PRKACB: variants seen among roughly 807,000 people sequenced by gnomAD.
PRKACB encodes cAMP-dependent protein kinase catalytic subunit beta.
A neutral mutation model predicts 51.4 loss-of-function variants in PRKACB; 16 were observed. The ratio of observed to expected loss-of-function variants is 0.31; its 90% CI spans 0.21 to 0.47. The LOEUF (loss-of-function observed/expected upper bound fraction) is 0.47, where lower values mean the gene tolerates loss of function less well. Ranked by LOEUF, PRKACB falls within the 20% of genes least tolerant of loss-of-function variation. The pLI is 1.00. For synonymous variants in PRKACB, 147 were observed against 154.4 expected (o/e 0.95, Z 0.35); for missense variants, 309 against 464.5 (o/e 0.67, Z 3.08).
chr1:84,101,058 G>A (rs1009434125), intron 1 of PRKACB, among the ~76,000 whole-genome samples: 2 of 152,180 alleles, frequency 1.3e-5, no homozygotes, highest in African/African-American at 4.8e-5. Flanking sequence ...AAGGCTATGT[G>A]CCAGTCAGAG....
chr1:84,188,359 C>G (rs1259953042), intron 5 of PRKACB, among the ~76,000 whole-genome samples: 1 of 151,386 alleles, frequency 6.6e-6, no homozygotes, highest in Non-Finnish European at 1.5e-5. Context: ...TTTATTTAGT[C>G]TATTGATCTT....
chr1:84,155,449 G>A lies in PRKACB; in HGVS notation c.187+10901G>A, dbSNP rs964170892. On this transcript the variant is annotated intron_variant, in intron 1 of 9. Coordinates refer to ENST00000370685, the MANE Select transcript of PRKACB (RefSeq NM_182948.4). ...TTAAAATGCTTCTAGTATCCAAAGC[G>A]ATCTACAGATTAAATGCCATCTCTT... 4.6e-5 allele frequency among the ~76,000 whole-genome samples: 7 copies of A among 152,132 alleles called. 1 individual carries two copies. The highest frequency in any genetic ancestry group is 1.9e-4 in the East Asian group (1 of 5,194).
At chr1:84,230,223 G>A (rs1239748763) in intron 9 of PRKACB, among the ~76,000 whole-genome samples, 1 of 149,966 alleles carries the variant, frequency 6.7e-6, no homozygotes, top group African/African-American at 2.4e-5. Flanking sequence ...TCTCAGGTTT[G>A]TCAAAGATCA....
intron 1 of PRKACB, among the ~76,000 whole-genome samples, chr1:84,089,775 A>G (rs1648308227): frequency 6.6e-6 from 1 of 152,128 alleles, no homozygotes; most frequent in South Asian, 2.1e-4. Context: ...AGAATCACCA[A>G]TGTGTGTGAT....
intron 9 of PRKACB, among the ~76,000 whole-genome samples, chr1:84,226,878 A>G (rs1406250065): frequency 6.6e-6 from 1 of 152,192 alleles, no homozygotes; most frequent in Non-Finnish European, 1.5e-5. Context: ...AAAGTTGGCC[A>G]TTTGGCTGAG....
intron 4 of PRKACB, 115 bp downstream of exon 4, chr1:84,184,250 G>A (rs574771521): frequency 2.6e-4 from 223 of 849,768 alleles, no homozygotes; most frequent in Non-Finnish European, 3.2e-4. Flanking sequence ...TAAACAAAAC[G>A]AATACCTCTA....
chr1:84,155,679 A>G (rs1379430067), intron 1 of PRKACB, among the ~76,000 whole-genome samples: 1 of 152,206 alleles, frequency 6.6e-6, no homozygotes, highest in Non-Finnish European at 1.5e-5. Flanking sequence ...AATAAGTTGA[A>G]CAGGAAGAAT....
intron 7 of PRKACB, among the ~76,000 whole-genome samples, chr1:84,199,679 T>A (rs1669496494): frequency 6.6e-6 from 1 of 152,170 alleles, no homozygotes; most frequent in Admixed American, 6.6e-5. Context: ...GTAGTGGGAT[T>A]GCTGGGTCGA....
chr1:84,204,078 A>C (rs1276286718), intron 8 of PRKACB, among the ~76,000 whole-genome samples: 2 of 152,030 alleles, frequency 1.3e-5, no homozygotes, highest in Non-Finnish European at 2.9e-5. Context: ...TGTAGCAACA[A>C]GACATTTGCC....
intron 1 of PRKACB, among the ~76,000 whole-genome samples, chr1:84,090,015 G>C (rs1379907103): frequency 6.6e-6 from 1 of 152,132 alleles, no homozygotes; most frequent in Admixed American, 6.5e-5. Context: ...TGCTTTCTCA[G>C]TGCTTTCAGT....
intron 1 of PRKACB, among the ~76,000 whole-genome samples, chr1:84,120,417 A>G (rs1346561348): frequency 6.6e-6 from 1 of 152,130 alleles, no homozygotes; most frequent in Non-Finnish European, 1.5e-5. Flanking sequence ...TACATGCACA[A>G]ACATGAAAAT....
chr1:84,147,496 AT>A (rs1558021697), intron 1 of PRKACB, among the ~76,000 whole-genome samples: 1 of 152,038 alleles, frequency 6.6e-6, no homozygotes, highest in Non-Finnish European at 1.5e-5. Flanking sequence ...ATTTCTACTC[AT>A]TTGGTAAAAC....
chr1:84,215,140 T>C (rs1672706766), intron 9 of PRKACB, among the ~76,000 whole-genome samples: 1 of 152,352 alleles, frequency 6.6e-6, no homozygotes, highest in South Asian at 2.1e-4. Context: ...TGAACATAAT[T>C]CATACAAATT....
chr1:84,110,140 C>CA (rs1650102675), intron 1 of PRKACB, among the ~76,000 whole-genome samples: 1 of 151,640 alleles, frequency 6.6e-6, no homozygotes, highest in Non-Finnish European at 1.5e-5. Context: ...TCCTTGGATT[C>CA]AAACAACCAA....
intron 9 of PRKACB, among the ~76,000 whole-genome samples, chr1:84,219,282 C>T (rs374389666): frequency 7.4e-5 from 11 of 149,588 alleles, no homozygotes; most frequent in African/African-American, 2.0e-4. Flanking sequence ...TAGAGTGCAA[C>T]GGTACAATCT....
At chr1:84,116,564 A>G (rs1650648861) in intron 1 of PRKACB, among the ~76,000 whole-genome samples, 1 of 151,996 alleles carries the variant, frequency 6.6e-6, no homozygotes, top group African/African-American at 2.4e-5. Flanking sequence ...ATTTATTCCT[A>G]GGTATTCTTT....
At chr1:84,209,384 C>A (rs925344747) in intron 8 of PRKACB, among the ~76,000 whole-genome samples, 1 of 152,134 alleles carries the variant, frequency 6.6e-6, no homozygotes, top group Non-Finnish European at 1.5e-5. Context: ...CACCCACCCC[C>A]CTCCACGAAG....
At chr1:84,090,471 A>G (rs1648369593) in intron 1 of PRKACB, among the ~76,000 whole-genome samples, 1 of 152,214 alleles carries the variant, frequency 6.6e-6, no homozygotes, top group Admixed American at 6.5e-5. Context: ...GAGCTCAGCT[A>G]TGCACTCTAT....
intron 9 of PRKACB, among the ~76,000 whole-genome samples, chr1:84,215,880 CT>C (rs1358693219): frequency 3.3e-5 from 5 of 151,246 alleles, no homozygotes; most frequent in African/African-American, 1.2e-4. Context: ...TTTTTTTCTT[CT>C]TTTTTTTCAT....
Sources: gnomAD v4.1 joint callset for allele counts (sites outside exome capture counted in the v4.1 genomes callset) on GRCh38, gnomAD v4.1.1 for gene constraint, MANE v1.5 for transcripts, NCBI Gene and HGNC (gene_info 2026-07-23, HGNC 2026-07-21) for gene names.